Variants in NTNG1 observed in about 807,000 individuals in gnomAD.
NTNG1 encodes netrin-G1.
NTNG1 carries 16 observed loss-of-function variants against 54.0 expected under a neutral mutation model. The ratio of observed to expected loss-of-function variants is 0.30; its 90% CI spans 0.20 to 0.45. The LOEUF is 0.45. Ranked by LOEUF, NTNG1 falls within the 20% of genes least tolerant of loss-of-function variation. The probability of loss-of-function intolerance (pLI) is 1.00; values close to 1 mark genes in which losing one functional copy is unlikely to be tolerated. For missense variants in NTNG1, 530 were observed against 678.7 expected, an observed-to-expected ratio of 0.78 and a Z score of 2.43; for synonymous variants, 255 against 263.1, an observed-to-expected ratio of 0.97 and a Z score of 0.30.
intron 2 of NTNG1, among the ~76,000 whole-genome samples, chr1:107,320,173 T>G (rs886090699): frequency 2.6e-5 from 4 of 152,252 alleles, no homozygotes; most frequent in African/African-American, 9.6e-5. Flanking sequence ...ACAAAAATAT[T>G]TAGCAGCAAT....
intron 2 of NTNG1, among the ~76,000 whole-genome samples, chr1:107,213,267 T>C (rs762316550): frequency 5.3e-5 from 8 of 152,082 alleles, no homozygotes; most frequent in Middle Eastern, 3.2e-3. Flanking sequence ...CATCACAGCT[T>C]TAACATCTGG....
intron 2 of NTNG1, among the ~76,000 whole-genome samples, chr1:107,221,473 T>G (rs1161573586): frequency 4.6e-5 from 7 of 152,210 alleles, no homozygotes. Context: ...GGCTCTATGA[T>G]AAAGTTGACA....
chr1:107,280,698 A>G (rs1664792425), intron 2 of NTNG1, among the ~76,000 whole-genome samples: 1 of 150,222 alleles, frequency 6.7e-6, no homozygotes. Context: ...CTGGGCAGGT[A>G]TTCCCACCTG....
intron 2 of NTNG1, among the ~76,000 whole-genome samples, chr1:107,199,469 T>A (rs560873298): frequency 6.6e-6 from 1 of 152,042 alleles, no homozygotes; most frequent in South Asian, 2.1e-4. Context: ...TGCAAAACAT[T>A]TGCTTATTAA....
intron 2 of NTNG1, among the ~76,000 whole-genome samples, chr1:107,159,976 A>G (rs1655290976): frequency 6.6e-6 from 1 of 152,212 alleles, no homozygotes; most frequent in African/African-American, 2.4e-5. Context: ...CATCATGTAA[A>G]AAACAGAATA....
At chr1:107,312,143 A>G (rs1354343453) in intron 2 of NTNG1, among the ~76,000 whole-genome samples, 1 of 152,200 alleles carries the variant, frequency 6.6e-6, no homozygotes, top group Admixed American at 6.5e-5. Context: ...GAGCCTATTA[A>G]TGATAATTCA....
Position 107,142,455 on chromosome 1 carries a change from C to G in NTNG1, c.-526+1315C>G, listed in dbSNP as rs79049681. ...CTATAGTTGCATCAGGTACAGATTT[C>G]CAGTGAGTAGACGGTCCTCCTCTCT... On this transcript the variant is annotated intron_variant, in intron 1 of 7. Coordinates refer to ENST00000370068, the MANE Select transcript of NTNG1 (RefSeq NM_001113226.3). Among the ~76,000 whole-genome samples the G allele has an allele frequency of 1.8e-4, 27 of 152,020 alleles. No individual in the cohort carries two copies. The East Asian group carries it at 5.0e-3, about 28-fold the overall frequency.
chr1:107,449,705 C>G (rs17531997), intron 7 of NTNG1, among the ~76,000 whole-genome samples: 12,083 of 143,412 alleles, frequency 0.084, 562 homozygotes, highest in Non-Finnish European at 0.11. Context: ...ATGTTATGAG[C>G]TTCTTCTGCT....
rs1288891263 is a variant in NTNG1, at chr1:107,348,761, T to A, written c.887+23839T>A. 2.0e-5 allele frequency among the ~76,000 whole-genome samples: 3 copies of A among 152,234 alleles called. No individual in the cohort carries two copies. In the East Asian group the frequency reaches 5.8e-4, roughly 29 times the overall value. ...AAGAGACTTAGGATAATGCTGATAA[T>A]GCTGTGTGCCTTGCACCTAGTAAGT... On this transcript the variant is annotated intron_variant, in intron 3 of 7. Coordinates refer to ENST00000370068, the MANE Select transcript of NTNG1 (RefSeq NM_001113226.3).
intron 2 of NTNG1, among the ~76,000 whole-genome samples, chr1:107,215,969 C>T (rs531267139): frequency 8.5e-5 from 13 of 152,166 alleles, no homozygotes; most frequent in South Asian, 6.2e-4. Context: ...GTGTATAGCA[C>T]GGCTACTGAT....
At chr1:107,194,266 A>G (rs1418381293) in intron 2 of NTNG1, among the ~76,000 whole-genome samples, 2 of 152,016 alleles carry the variant, frequency 1.3e-5, no homozygotes, top group African/African-American at 4.8e-5. Context: ...GGATGGTTAT[A>G]TCAGATGGGT....
chr1:107,239,321 T>C (rs1423725156), intron 2 of NTNG1, among the ~76,000 whole-genome samples: 2 of 152,200 alleles, frequency 1.3e-5, no homozygotes, highest in Non-Finnish European at 2.9e-5. Flanking sequence ...ATGGATTATA[T>C]AGCAAGACCC....
chr1:107,229,683 A>G (rs1660928111), intron 2 of NTNG1, among the ~76,000 whole-genome samples: 2 of 151,760 alleles, frequency 1.3e-5, no homozygotes, highest in Non-Finnish European at 1.5e-5. Flanking sequence ...TCTCACTTCT[A>G]AAGATTGCTA....
intron 3 of NTNG1, among the ~76,000 whole-genome samples, chr1:107,368,748 C>A (rs1670741425): frequency 6.6e-6 from 1 of 152,174 alleles, no homozygotes; most frequent in African/African-American, 2.4e-5. Context: ...TATAATCAGA[C>A]ACCTAGTAAA....
Position 107,272,616 on chromosome 1 carries a change from C to G in NTNG1, c.247-51666C>G, listed in dbSNP as rs534303972. 1.3e-4 allele frequency among the ~76,000 whole-genome samples: 20 copies of G among 152,196 alleles called. No homozygotes were observed. In the East Asian group the frequency reaches 3.9e-3, roughly 29 times the overall value. ...CTATACAGAATTCAGGTATAGAATA[C>G]CTGAAAACACTCAGAAGCAGCCGTC... On this transcript the variant is annotated intron_variant, in intron 2 of 7. Coordinates refer to ENST00000370068, the MANE Select transcript of NTNG1 (RefSeq NM_001113226.3).
At chr1:107,319,736 A>G (rs1301255502) in intron 2 of NTNG1, among the ~76,000 whole-genome samples, 2 of 152,034 alleles carry the variant, frequency 1.3e-5, no homozygotes, top group African/African-American at 4.8e-5. Context: ...TTCAGTGGCA[A>G]ATCTCGCGTA....
At chr1:107,151,920 A>G (rs913717455) in intron 2 of NTNG1, among the ~76,000 whole-genome samples, 2 of 152,092 alleles carry the variant, frequency 1.3e-5, no homozygotes, top group Non-Finnish European at 2.9e-5. Context: ...GTATTTATAA[A>G]CATTAGTTTT....
At chr1:107,339,743 G>A (rs922412315) in intron 3 of NTNG1, among the ~76,000 whole-genome samples, 1 of 151,966 alleles carries the variant, frequency 6.6e-6, no homozygotes, top group African/African-American at 2.4e-5. Flanking sequence ...ACTGTAACAT[G>A]GAAAATAATA....
intron 2 of NTNG1, among the ~76,000 whole-genome samples, chr1:107,259,564 AT>A (rs1210495794): frequency 2.0e-5 from 3 of 152,164 alleles, no homozygotes; most frequent in African/African-American, 7.2e-5. Flanking sequence ...ATTAGAACTC[AT>A]TTTTTAGGTT....
Sources: allele counts gnomAD v4.1 joint callset (sites outside exome capture counted in the v4.1 genomes callset), GRCh38; gene constraint gnomAD v4.1.1; transcripts MANE v1.5; gene names NCBI Gene and HGNC (gene_info 2026-07-23, HGNC 2026-07-21).